The following ASB5 variants were observed in gnomAD, a reference collection of about 807,000 sequenced individuals.
ASB5 encodes the protein ankyrin repeat and SOCS box containing 5.
A neutral mutation model predicts 42.1 loss-of-function variants in ASB5; 45 were observed. The ratio of observed to expected loss-of-function variants is 1.07; its 90% CI spans 0.84 to 1.37. The LOEUF (loss-of-function observed/expected upper bound fraction) is 1.37. Among genes scored for constraint, ASB5 ranks in the 40% most tolerant of loss-of-function variants. The pLI is 0.00. For synonymous variants in ASB5, 147 were observed against 150.6 expected, an observed-to-expected ratio of 0.98 and a Z score of 0.18; for missense variants, 402 against 399.8, an observed-to-expected ratio of 1.01 and a Z score of -0.05.
At chr4:176,255,856 A>G (rs1279382066) in intron 1 of ASB5, among the ~76,000 whole-genome samples, 2 of 152,240 alleles carry the variant, frequency 1.3e-5, no homozygotes, top group Non-Finnish European at 2.9e-5. Context: ...AATCTAAAAT[A>G]AAGGTTGAAA....
At chr4:176,271,706 A>G (rs984166257), upstream of ASB5, among the ~76,000 whole-genome samples, 13 of 152,136 alleles carry the variant, frequency 8.5e-5, no homozygotes, top group African/African-American at 2.9e-4. Context: ...ATATTTATTT[A>G]TTTATGAATT....
At chr4:176,247,248 C>T (rs957856747) in intron 1 of ASB5, among the ~76,000 whole-genome samples, 1 of 152,078 alleles carries the variant, frequency 6.6e-6, no homozygotes, top group South Asian at 2.1e-4. Flanking sequence ...CCAAGTATTA[C>T]AAAGTTGTAG....
chr4:176,267,829 A>G (rs1366442680), intron 1 of ASB5, among the ~76,000 whole-genome samples: 7 of 152,132 alleles, frequency 4.6e-5, no homozygotes, highest in African/African-American at 1.7e-4. Context: ...TCTACCTCAC[A>G]CACTAAAAAA....
intron 1 of ASB5, among the ~76,000 whole-genome samples, chr4:176,267,513 G>T (rs1754380379): frequency 6.6e-6 from 1 of 152,164 alleles, no homozygotes; most frequent in South Asian, 2.1e-4. Flanking sequence ...TACTTAGGAG[G>T]CTAAGGCAGG....
Position 176,268,904 on chromosome 4 carries a change from T to C in ASB5, c.196+9A>G, listed in dbSNP as rs1195198910. 7 of 1,596,030 alleles carry C rather than the reference T, an allele frequency of 4.4e-6. No individual in the cohort carries two copies. Among genetic ancestry groups the C allele is most frequent in the Non-Finnish European group, 6.0e-6 (7 of 1,171,366 alleles). Reference sequence around the variant, plus strand: ...CACTTGAAACAAGAGAGGATTATCATAAACATACCTTGTCCTTGGGTTACT... The same window carrying C: ...CACTTGAAACAAGAGAGGATTATCACAAACATACCTTGTCCTTGGGTTACT... On this transcript the variant is annotated intron_variant, in intron 1 of 6. Coordinates refer to ENST00000296525, the MANE Select transcript of ASB5 (RefSeq NM_080874.4).
chr4:176,237,682 G>A (rs1020416827), intron 1 of ASB5: 59 of 678,932 alleles, frequency 8.7e-5, no homozygotes, highest in African/African-American at 1.9e-4. Context: ...TGCTGCAGCC[G>A]GAAGTCTTTA....
intron 1 of ASB5, among the ~76,000 whole-genome samples, chr4:176,240,252 G>A (rs1356667119): frequency 1.3e-5 from 2 of 152,124 alleles, no homozygotes; most frequent in Non-Finnish European, 1.5e-5. Context: ...CTCAGAAAAA[G>A]CATCTAAGAT....
chr4:176,233,174 T>A (rs1753594642), intron 1 of ASB5, among the ~76,000 whole-genome samples: 1 of 152,224 alleles, frequency 6.6e-6, no homozygotes. Context: ...TTCATATATC[T>A]TCCCCATCAG....
At chr4:176,260,801 C>T (rs972569662) in intron 1 of ASB5, among the ~76,000 whole-genome samples, 2 of 152,056 alleles carry the variant, frequency 1.3e-5, no homozygotes, top group African/African-American at 2.4e-5. Context: ...CTCAGCCTCC[C>T]GAGTAGCTGG....
intron 5 of ASB5, among the ~76,000 whole-genome samples, chr4:176,217,377 C>T (rs866381180): frequency 6.6e-6 from 1 of 152,136 alleles, no homozygotes; most frequent in African/African-American, 2.4e-5. Flanking sequence ...TAAGTTCACT[C>T]ATTTTTATTT....
At chr4:176,240,585 G>A (rs569048824) in intron 1 of ASB5, among the ~76,000 whole-genome samples, 1 of 152,316 alleles carries the variant, frequency 6.6e-6, no homozygotes, top group South Asian at 2.1e-4. Flanking sequence ...GAGGCATTAT[G>A]ACAGAAAGCT....
rs372386849 is a variant in ASB5, at chr4:176,216,781, T to G, written c.862+37A>C. ...CTTTCATCTATTTTAGGCAAATATA[T>G]TTTGTTTTTGTAAGTTTCCACATGT... is the stretch of plus-strand genomic sequence containing the variant. On this transcript the variant is annotated intron_variant, in intron 6 of 6. Transcript: ENST00000296525. 12 of 1,491,764 alleles carry G rather than the reference T, an allele frequency of 8.0e-6. No individual in the cohort carries two copies. In the African/African-American group the frequency reaches 1.4e-4, roughly 17 times the overall value. 92.4% of individuals were successfully genotyped at this position (1,491,764 alleles called of 1,614,324 possible).
At chr4:176,233,346 C>T (rs1753599622) in intron 1 of ASB5, among the ~76,000 whole-genome samples, 1 of 152,214 alleles carries the variant, frequency 6.6e-6, no homozygotes, top group African/African-American at 2.4e-5. Flanking sequence ...CTCTAATCTA[C>T]ATAGCTCCCA....
chr4:176,240,539 C>T (rs143192996), intron 1 of ASB5, among the ~76,000 whole-genome samples: 1,557 of 152,202 alleles, frequency 0.01, 21 homozygotes, highest in African/African-American at 0.036. Context: ...AATCTTAATA[C>T]TTATAGATGT....
chr4:176,260,438 TCA>T (rs1484365138), intron 1 of ASB5, among the ~76,000 whole-genome samples: 2 of 152,210 alleles, frequency 1.3e-5, no homozygotes, highest in South Asian at 2.1e-4. Context: ...AACCTAAATT[TCA>T]CAGAGTGGAC....
chr4:176,260,715 G>C (rs1754250891), intron 1 of ASB5, among the ~76,000 whole-genome samples: 1 of 152,154 alleles, frequency 6.6e-6, no homozygotes, highest in African/African-American at 2.4e-5. Context: ...GTCTAGCTCT[G>C]TTGCCAGGCT....
At chr4:176,236,596 T>C (rs1753689645) in intron 1 of ASB5, among the ~76,000 whole-genome samples, 1 of 152,222 alleles carries the variant, frequency 6.6e-6, no homozygotes, top group Non-Finnish European at 1.5e-5. Context: ...AAATATGCTT[T>C]GTATGTTTGA....
At chr4:176,239,484 A>G (rs1229593357) in intron 1 of ASB5, among the ~76,000 whole-genome samples, 1 of 152,146 alleles carries the variant, frequency 6.6e-6, no homozygotes, top group African/African-American at 2.4e-5. Flanking sequence ...AAGTACTGTG[A>G]CAATTTTTGT....
chr4:176,266,065 T>C (rs1047071153), intron 1 of ASB5, among the ~76,000 whole-genome samples: 2 of 152,194 alleles, frequency 1.3e-5, no homozygotes, highest in African/African-American at 4.8e-5. Context: ...TGGGTAATCA[T>C]ACCTTGGTCT....
Sources: gnomAD v4.1 joint callset for allele counts (sites outside exome capture counted in the v4.1 genomes callset) on GRCh38, gnomAD v4.1.1 for gene constraint, MANE v1.5 for transcripts, NCBI Gene and HGNC (gene_info 2026-07-23, HGNC 2026-07-21) for gene names.